Variants in ERBB4 observed in about 807,000 individuals in gnomAD.
The protein encoded by ERBB4 is erb-b2 receptor tyrosine kinase 4.
Under a neutral mutation model 158.0 loss-of-function variants are expected in ERBB4, and 42 were observed. That is an observed-to-expected ratio of 0.27 (90% CI 0.21 to 0.34). The LOEUF is 0.34. Ranked by LOEUF, ERBB4 falls within the 10% of genes least tolerant of loss-of-function variation. The pLI is 1.00. For synonymous variants in ERBB4, 583 were observed against 558.7 expected (o/e 1.04, Z -0.61); for missense variants, 1,333 against 1,624.1 (o/e 0.82, Z 3.08).
chr2:211,595,861 G>A (rs759597413), intron 19 of ERBB4, among the ~76,000 whole-genome samples: 5 of 152,138 alleles, frequency 3.3e-5, no homozygotes, highest in African/African-American at 4.8e-5. Flanking sequence ...TTGAGTATGC[G>A]TGTATTTTGG....
At chr2:211,850,577 T>G (rs1476165937) in intron 3 of ERBB4, among the ~76,000 whole-genome samples, 1 of 151,830 alleles carries the variant, frequency 6.6e-6, no homozygotes, top group Admixed American at 6.6e-5. Context: ...TTGGGATAAC[T>G]AGAGAAGATA....
chr2:212,052,641 G>T (rs537399086), intron 2 of ERBB4, among the ~76,000 whole-genome samples: 63 of 152,228 alleles, frequency 4.1e-4, no homozygotes, highest in African/African-American at 1.3e-3. Flanking sequence ...CACAGAAATG[G>T]ACCCTTTTGG....
In ERBB4 at chr2:212,076,572, T is replaced by C. The variant is rs77747509; in HGVS notation, c.234+48180A>G. Among the ~76,000 whole-genome samples, 207 of 151,994 alleles carry C rather than the reference T, an allele frequency of 1.4e-3. 4 individuals are homozygous for C. The East Asian group carries it at 0.031, about 23-fold the overall frequency. Reference sequence around the variant, plus strand: ...AACAACTAGAATATAATGTGGTAAGTGATCTAGTTGAAATATATAAGTTTT... The same window carrying C: ...AACAACTAGAATATAATGTGGTAAGCGATCTAGTTGAAATATATAAGTTTT... On this transcript the variant is annotated intron_variant, in intron 2 of 27. Transcript: ENST00000342788.
At chr2:212,537,297 T>C (rs1693141468) in intron 1 of ERBB4, among the ~76,000 whole-genome samples, 1 of 151,882 alleles carries the variant, frequency 6.6e-6, no homozygotes, top group African/African-American at 2.4e-5. Context: ...CCCTGGATGG[T>C]TTCGGAAATC....
At chr2:212,261,684 C>A (rs1182340420) in intron 1 of ERBB4, among the ~76,000 whole-genome samples, 2 of 151,944 alleles carry the variant, frequency 1.3e-5, no homozygotes, top group Non-Finnish European at 2.9e-5. Context: ...CTTTAATGAC[C>A]TAGAGAAGTT....
intron 19 of ERBB4, among the ~76,000 whole-genome samples, chr2:211,566,460 C>T (rs907311847): frequency 6.6e-6 from 1 of 152,196 alleles, no homozygotes; most frequent in Non-Finnish European, 1.5e-5. Context: ...TACGTTATTA[C>T]TATTCATGTG....
rs549185371 is a variant in ERBB4 at position 211,744,870 on chromosome 2, A to G, written c.622+5769T>C. 2.0e-5 allele frequency among the ~76,000 whole-genome samples: 3 copies of G among 152,370 alleles called. No homozygotes were observed. The South Asian group carries it at 6.2e-4, about 32-fold the overall frequency. ...CAAAGAATAATTATCCATAAAAAAT[A>G]AGGAAATATTTGGTAAATCATGAAG... On this transcript the variant is annotated intron_variant, in intron 5 of 27. Coordinates refer to ENST00000342788, the MANE Select transcript of ERBB4 (RefSeq NM_005235.3).
chr2:212,500,001 T>G (rs1690795234), intron 1 of ERBB4, among the ~76,000 whole-genome samples: 1 of 152,142 alleles, frequency 6.6e-6, no homozygotes, highest in Admixed American at 6.5e-5. Flanking sequence ...ACACACATGT[T>G]AAATACAAAA....
intron 9 of ERBB4, among the ~76,000 whole-genome samples, chr2:211,708,880 G>C (rs1182823084): frequency 1.3e-5 from 2 of 152,022 alleles, no homozygotes; most frequent in Non-Finnish European, 2.9e-5. Flanking sequence ...ACCCTCCGTG[G>C]TGGAGCTGCA....
At chr2:212,204,840 CAG>C (rs1236460453) in intron 1 of ERBB4, among the ~76,000 whole-genome samples, 9 of 108,946 alleles carry the variant, frequency 8.3e-5, no homozygotes, top group Non-Finnish European at 1.3e-4. Flanking sequence ...TTTTTTGAGA[CAG>C]AGTTTTACTC....
At position 211,504,445 on chromosome 2, in the gene ERBB4, G is replaced by A. The variant is rs538163355; in HGVS notation, c.2487+57458C>T. On this transcript the variant is annotated intron_variant, in intron 20 of 27. Transcript: ENST00000342788. ...GCAACAGCTAAACCCTCAAAGTGGG[G>A]AAGAAAAAAAAAAAACTCACCCAAA... Among the ~76,000 whole-genome samples, 47 of 149,220 alleles carry A rather than the reference G, an allele frequency of 3.1e-4. No homozygotes were observed. In the South Asian group the frequency reaches 9.5e-3, roughly 30 times the overall value.
At chr2:212,076,373 G>T (rs1416285386) in intron 2 of ERBB4, among the ~76,000 whole-genome samples, 1 of 151,808 alleles carries the variant, frequency 6.6e-6, no homozygotes, top group Non-Finnish European at 1.5e-5. Context: ...TAATCTATTT[G>T]ACTTTACCAT....
rs777876783 is a variant in ERBB4, at chr2:212,086,455, G to GA, written c.234+38296dup. On this transcript the variant is annotated intron_variant, in intron 2 of 27. Transcript: ENST00000342788. ...TGCATTACCGCCTCTAAGAAAAAAA[G>GA]AAAACCAAATCTTATCTTTAAATTC... 3.3e-5 allele frequency among the ~76,000 whole-genome samples: 5 copies of GA among 151,102 alleles called. No homozygotes were observed. In the East Asian group the frequency reaches 9.7e-4, roughly 29 times the overall value.
At chr2:212,381,769 A>G (rs2090511625) in intron 1 of ERBB4, among the ~76,000 whole-genome samples, 2 of 151,392 alleles carry the variant, frequency 1.3e-5, no homozygotes, top group South Asian at 4.1e-4. Context: ...TGCATTATAT[A>G]CCCTCACAGA....
intron 20 of ERBB4, among the ~76,000 whole-genome samples, chr2:211,477,107 G>A (rs2064973141): frequency 6.6e-6 from 1 of 151,980 alleles, no homozygotes; most frequent in South Asian, 2.1e-4. Flanking sequence ...CCTGATATTG[G>A]TGGGCCTCAT....
intron 2 of ERBB4, among the ~76,000 whole-genome samples, chr2:212,105,023 A>G (rs914968423): frequency 2.0e-5 from 2 of 99,530 alleles, no homozygotes; most frequent in African/African-American, 1.2e-4. Context: ...TTTCAAAAAG[A>G]TATAATTTCT....
At chr2:212,422,040 C>A (rs538213894) in intron 1 of ERBB4, among the ~76,000 whole-genome samples, 1 of 152,274 alleles carries the variant, frequency 6.6e-6, no homozygotes, top group South Asian at 2.1e-4. Context: ...GGGAAACATG[C>A]AGTTTTAAAG....
chr2:212,273,774 G>T (rs117228366), intron 1 of ERBB4, among the ~76,000 whole-genome samples: 1 of 151,842 alleles, frequency 6.6e-6, no homozygotes, highest in East Asian at 2.0e-4. Flanking sequence ...CCTTTGTAAG[G>T]AAAGGATTTT....
intron 1 of ERBB4, among the ~76,000 whole-genome samples, chr2:212,197,873 A>G (rs1168856306): frequency 6.6e-6 from 1 of 152,230 alleles, no homozygotes; most frequent in Non-Finnish European, 1.5e-5. Flanking sequence ...TGTTATAACT[A>G]GAGCATTTTC....
Sources: gnomAD v4.1 joint callset for allele counts (sites outside exome capture counted in the v4.1 genomes callset) on GRCh38, gnomAD v4.1.1 for gene constraint, MANE v1.5 for transcripts, NCBI Gene and HGNC (gene_info 2026-07-23, HGNC 2026-07-21) for gene names.